Variants in ATP8A2 observed in about 807,000 individuals in gnomAD.
The protein encoded by ATP8A2 is ATPase phospholipid transporting 8A2, also known as phospholipid-transporting ATPase IB.
In ATP8A2, 100 loss-of-function variants were observed where a neutral mutation model predicts 165.6. The observed-to-expected ratio is 0.60, with a 90% CI of 0.51 to 0.71. The LOEUF is 0.71. Among genes scored for constraint, ATP8A2 ranks in the 30% least tolerant of loss-of-function variants. The pLI is 0.00. For missense variants in ATP8A2, 1,227 were observed against 1,479.5 expected (o/e 0.83, Z 2.80); for synonymous variants, 543 against 548.8 (o/e 0.99, Z 0.15).
chr13:25,623,317 G>A (rs538848425), intron 24 of ATP8A2, among the ~76,000 whole-genome samples: 1 of 152,248 alleles, frequency 6.6e-6, no homozygotes, highest in East Asian at 1.9e-4. Flanking sequence ...GATCACTTGA[G>A]CCCAGGAGTT....
intron 25 of ATP8A2, among the ~76,000 whole-genome samples, chr13:25,767,952 T>A (rs1050382479): frequency 6.6e-6 from 1 of 152,062 alleles, no homozygotes; most frequent in Non-Finnish European, 1.5e-5. Context: ...AAGTTCTTAC[T>A]GGGCAAATCT....
intron 2 of ATP8A2, among the ~76,000 whole-genome samples, chr13:25,513,991 GGGGAGGGGGAGGGAGAGGGAGAGGGAGA>G (rs2137796182): frequency 6.8e-6 from 1 of 147,942 alleles, no homozygotes; most frequent in Non-Finnish European, 1.5e-5. Context: ...AGAGGGGGAG[GGGGAGGGGGAGGGAGAGGGAGAGGGAGA>G]GGGAGAGGGA....
At chr13:25,722,653 T>C (rs1344286901) in intron 25 of ATP8A2, among the ~76,000 whole-genome samples, 1 of 144,392 alleles carries the variant, frequency 6.9e-6, no homozygotes, top group Non-Finnish European at 1.5e-5. Flanking sequence ...TTCATTGCTG[T>C]ATGTTAGTTG....
chr13:25,551,891 A>G (rs913873537), intron 11 of ATP8A2, among the ~76,000 whole-genome samples: 2 of 151,948 alleles, frequency 1.3e-5, no homozygotes, highest in South Asian at 2.1e-4. Context: ...GTTATATTCC[A>G]TTTATCTGTG....
intron 33 of ATP8A2, among the ~76,000 whole-genome samples, chr13:25,938,174 A>C (rs1954970315): frequency 6.8e-6 from 1 of 146,216 alleles, no homozygotes; most frequent in Non-Finnish European, 1.5e-5. Context: ...GACCTGGTTA[A>C]AAAAAAAAAA....
At chr13:25,425,404 A>T (rs1214214525) in intron 1 of ATP8A2, among the ~76,000 whole-genome samples, 1 of 151,304 alleles carries the variant, frequency 6.6e-6, no homozygotes, top group African/African-American at 2.4e-5. Context: ...TACTTGCAAG[A>T]CGTCATAAAT....
intron 1 of ATP8A2, among the ~76,000 whole-genome samples, chr13:25,425,146 C>G (rs2034408374): frequency 6.6e-6 from 1 of 152,030 alleles, no homozygotes; most frequent in African/African-American, 2.4e-5. Flanking sequence ...AAGTACACAC[C>G]CTGAAATATA....
chr13:25,714,964 A>C (rs1305822989), intron 25 of ATP8A2, among the ~76,000 whole-genome samples: 1 of 152,194 alleles, frequency 6.6e-6, no homozygotes, highest in East Asian at 1.9e-4. Context: ...CTCTGCTTGG[A>C]CACTAGAAAT....
At chr13:25,374,018 A>G (rs2032525072) in intron 1 of ATP8A2, among the ~76,000 whole-genome samples, 1 of 152,166 alleles carries the variant, frequency 6.6e-6, no homozygotes, top group Non-Finnish European at 1.5e-5. Context: ...ACGGGCCCCT[A>G]AGAATTATGT....
intron 25 of ATP8A2, among the ~76,000 whole-genome samples, chr13:25,752,190 G>A (rs1181205636): frequency 6.6e-6 from 1 of 152,148 alleles, no homozygotes; most frequent in Non-Finnish European, 1.5e-5. Context: ...GCCAGGCGCA[G>A]TGGCTCACGC....
intron 1 of ATP8A2, among the ~76,000 whole-genome samples, chr13:25,466,197 C>G (rs1367931121): frequency 6.6e-6 from 1 of 152,128 alleles, no homozygotes; most frequent in Non-Finnish European, 1.5e-5. Context: ...TGGCCACAGG[C>G]TATTTTTTTT....
chr13:25,666,174 T>C (rs188096701), intron 24 of ATP8A2, among the ~76,000 whole-genome samples: 72 of 152,056 alleles, frequency 4.7e-4, no homozygotes, highest in Admixed American at 1.8e-3. Context: ...ATCTTAAGAA[T>C]ATTAGTTTTT....
At chr13:25,456,050 G>A (rs550770630) in intron 1 of ATP8A2, among the ~76,000 whole-genome samples, 1 of 152,318 alleles carries the variant, frequency 6.6e-6, no homozygotes, top group Non-Finnish European at 1.5e-5. Flanking sequence ...GGCACTCTGG[G>A]AAGTCCAGAC....
At position 25,918,643 on chromosome 13, in the gene ATP8A2, C is replaced by A. The variant is rs192379775; in HGVS notation, c.3184-42932C>A. On this transcript the variant is annotated intron_variant, in intron 33 of 36. Transcript: ENST00000381655. ...ATTTGTCCTAGTTTGTGAAAGCCTC[C>A]CCCCCGCAACAATAAATTTTCTATG... Among the ~76,000 whole-genome samples the A allele has an allele frequency of 1.8e-4, 28 of 152,090 alleles. No homozygotes were observed. The East Asian group carries it at 4.6e-3, about 25-fold the overall frequency.
At chr13:25,385,998 C>T (rs1326128561) in intron 1 of ATP8A2, among the ~76,000 whole-genome samples, 1 of 152,048 alleles carries the variant, frequency 6.6e-6, no homozygotes, top group South Asian at 2.1e-4. Flanking sequence ...ACACTGCAAC[C>T]TCTGCCTCCT....
intron 24 of ATP8A2, among the ~76,000 whole-genome samples, chr13:25,654,380 A>AT (rs1313731621): frequency 6.6e-6 from 1 of 152,000 alleles, no homozygotes; most frequent in East Asian, 1.9e-4. Flanking sequence ...AATATTTGTA[A>AT]TTTTTATGGA....
In ATP8A2 at chr13:25,972,767, A is replaced by G. The variant is rs751780918; in HGVS notation, c.3377+4088A>G. Among the ~76,000 whole-genome samples, 4 of 152,166 alleles carry G rather than the reference A, an allele frequency of 2.6e-5. 1 individual carries two copies. Among genetic ancestry groups the G allele is most frequent in the African/African-American group, 4.8e-5 (2 of 41,432 alleles). On this transcript the variant is annotated intron_variant, in intron 35 of 36. Coordinates refer to ENST00000381655, the MANE Select transcript of ATP8A2 (RefSeq NM_016529.6). Reference sequence around the variant, plus strand: ...TTATTCCTGAAGTGTAAGCCATGCAAATTTCTTTCCTGGTGAAAGAAAATC... The same window carrying G: ...TTATTCCTGAAGTGTAAGCCATGCAGATTTCTTTCCTGGTGAAAGAAAATC...
chr13:25,591,150 T>C (rs994283281), intron 24 of ATP8A2: 4 of 404,492 alleles, frequency 9.9e-6, no homozygotes, highest in African/African-American at 8.1e-5. Flanking sequence ...TGTGTGTGTG[T>C]GTGTGTGTGT....
chr13:25,911,907 A>G (rs188448093), intron 33 of ATP8A2, among the ~76,000 whole-genome samples: 85 of 152,338 alleles, frequency 5.6e-4, no homozygotes, highest in Middle Eastern at 3.4e-3. Flanking sequence ...GAACCCTTGT[A>G]CACTGTAGTT....
Sources: gnomAD v4.1 joint callset for allele counts (sites outside exome capture counted in the v4.1 genomes callset) on GRCh38, gnomAD v4.1.1 for gene constraint, MANE v1.5 for transcripts, NCBI Gene and HGNC (gene_info 2026-07-23, HGNC 2026-07-21) for gene names.